Variants in GET1 observed in about 807,000 individuals in gnomAD.
GET1 encodes guided entry of tail-anchored proteins factor 1.
GET1 carries 20 observed loss-of-function variants against 22.6 expected under a neutral mutation model. The ratio of observed to expected loss-of-function variants is 0.89; its 90% CI spans 0.62 to 1.29. The LOEUF is 1.29. GET1 is among the 50% of genes most tolerant of loss of function. GET1 has a pLI of 0.00. For synonymous variants in GET1, 92 were observed against 83.8 expected (o/e 1.10, Z -0.53); for missense variants, 209 against 219.9 (o/e 0.95, Z 0.31).
intron 1 of GET1, among the ~76,000 whole-genome samples, chr21:39,384,186 C>A (rs148827498): frequency 3.0e-3 from 460 of 152,098 alleles, no homozygotes; most frequent in African/African-American, 0.011. Flanking sequence ...CATGTCTAGT[C>A]AAATCTTTTG....
chr21:39,414,060 A>G (rs1447928504), intron 1 of GET1: 1 of 152,228 alleles, frequency 6.6e-6, no homozygotes, highest in African/African-American at 2.4e-5. Flanking sequence ...TTTGGAACAC[A>G]ACCCGGGATA....
At chr21:39,400,189 C>T (rs982311038), downstream of GET1, among the ~76,000 whole-genome samples, 4 of 119,480 alleles carry the variant, frequency 3.3e-5, no homozygotes, top group East Asian at 2.9e-4. Context: ...TGCACGCGCA[C>T]GTGCTGACAG....
chr21:39,396,930 G>C lies in GET1; in HGVS notation c.516G>C (p.Pro172=), dbSNP rs141321319. The change falls in exon 5 of 5, where the codon CCG becomes CCC. Residue 172 remains proline (P), a synonymous_variant. Transcript: ENST00000649170. ...AAGTTGTCGCTATTGTGCTTCATCCGTTCAGCTGAACAGGAGGATGGATAC... is the reference window on the plus strand; with the variant it reads ...AAGTTGTCGCTATTGTGCTTCATCCCTTCAGCTGAACAGGAGGATGGATAC... ...CNKVVAIVLH[P]FS 6 of 1,613,942 alleles carry C rather than the reference G, an allele frequency of 3.7e-6. No individual in the cohort carries two copies. The Admixed American group carries it at 1.0e-4, about 27-fold the overall frequency.
At chr21:39,387,186 A>G (rs1368089271) in intron 1 of GET1, among the ~76,000 whole-genome samples, 1 of 152,154 alleles carries the variant, frequency 6.6e-6, no homozygotes, top group Non-Finnish European at 1.5e-5. Context: ...CATGTAATAG[A>G]TGTAATTATT....
At chr21:39,418,499 TA>T (rs1259275289) in intron 1 of GET1, among the ~76,000 whole-genome samples, 4 of 152,182 alleles carry the variant, frequency 2.6e-5, no homozygotes, top group Admixed American at 6.5e-5. Context: ...ATTTTTATTT[TA>T]TTTTTTTTAA....
At chr21:39,398,134 G>A (rs2050672383), downstream of GET1, among the ~76,000 whole-genome samples, 1 of 152,182 alleles carries the variant, frequency 6.6e-6, no homozygotes, top group African/African-American at 2.4e-5. Context: ...GCCACAGCCT[G>A]GTGGAGGAAC....
At position 39,428,442 on chromosome 21, in the gene GET1, C is replaced by T. The variant is rs1015753631; in HGVS notation, c.*234C>T. On this transcript the variant is annotated 3_prime_UTR_variant, in exon 2 of 2. Coordinates refer to the GET1 transcript ENST00000478273. The stretch of plus-strand genomic sequence containing the variant: ...GACCTCCTATTGTTTTCTAATGCCA[C>T]GCCGAAGAAATGCTCATCTATATTT... The T allele has an allele frequency of 7.4e-6, 12 of 1,611,060 alleles. No individual in the cohort carries two copies. Among genetic ancestry groups the T allele is most frequent in the Middle Eastern group, 1.6e-4 (1 of 6,076 alleles).
At chr21:39,416,831 T>TA (rs2041261316) in intron 1 of GET1, among the ~76,000 whole-genome samples, 1 of 152,196 alleles carries the variant, frequency 6.6e-6, no homozygotes, top group Non-Finnish European at 1.5e-5. Flanking sequence ...GTTATTTGTG[T>TA]CCTTACAGTG....
At chr21:39,383,952 G>T (rs572685727) in intron 1 of GET1, among the ~76,000 whole-genome samples, 99 of 152,066 alleles carry the variant, frequency 6.5e-4, no homozygotes, top group African/African-American at 2.3e-3. Context: ...TGTTGGCGAG[G>T]CTGGTCTCGA....
chr21:39,387,880 G>C, intron 1 of GET1: 1 of 960,230 alleles, frequency 1.0e-6, no homozygotes, highest in Non-Finnish European at 1.2e-6. Flanking sequence ...GGAGGGGGGG[G>C]GATCTGATTT....
intron 4 of GET1, among the ~76,000 whole-genome samples, 153 bp from the exon 5 acceptor site, chr21:39,396,713 C>T (rs2038680014): frequency 6.8e-6 from 1 of 147,848 alleles, no homozygotes; most frequent in South Asian, 2.1e-4. Flanking sequence ...AAGAAAGTGA[C>T]AAATTTGAAC....
chr21:39,409,875 C>T (rs550375272), downstream of GET1: 12 of 664,366 alleles, frequency 1.8e-5, no homozygotes, highest in Non-Finnish European at 2.8e-5. The surrounding 1 kb of genome is among the most constrained non-coding windows in gnomAD (Gnocchi z 4.2). Flanking sequence ...ATTACAGGTG[C>T]GAGCTGCCAT....
At chr21:39,411,408 A>G (rs73365940), downstream of GET1, among the ~76,000 whole-genome samples, 4,796 of 152,262 alleles carry the variant, frequency 0.031, 213 homozygotes, top group African/African-American at 0.097. Context: ...AAAGCCATAC[A>G]CTGGCTAACA....
At chr21:39,411,848 G>A (rs1174130507) in intron 1 of GET1, 2 of 1,071,982 alleles carry the variant, frequency 1.9e-6, no homozygotes, top group South Asian at 1.4e-5. Context: ...GCTTGCTTTT[G>A]TCAACCCTGA....
chr21:39,405,898 C>A, intron 4 of GET1: 1 of 1,580,028 alleles, frequency 6.3e-7, no homozygotes, highest in Non-Finnish European at 8.6e-7. Context: ...AATTATTTTT[C>A]TTTTTCCTTC....
At chr21:39,384,129 T>C (rs1157649510) in intron 1 of GET1, among the ~76,000 whole-genome samples, 1 of 152,052 alleles carries the variant, frequency 6.6e-6, no homozygotes, top group Admixed American at 6.6e-5. Context: ...AATAGTGATG[T>C]TGAGTATCTT....
At chr21:39,426,847 G>C (rs1446996362) in intron 1 of GET1, among the ~76,000 whole-genome samples, 1 of 152,236 alleles carries the variant, frequency 6.6e-6, no homozygotes, top group Non-Finnish European at 1.5e-5. Context: ...GGCCTTGCCA[G>C]TGGAGGTAGG....
chr21:39,409,072 G>A (rs965540062), downstream of GET1, among the ~76,000 whole-genome samples: 11 of 152,292 alleles, frequency 7.2e-5, no homozygotes, highest in Admixed American at 6.5e-4. This position sits in a 1 kb window ranked among gnomAD's most constrained non-coding sequence, Gnocchi z 4.2. Flanking sequence ...GGTCTTTAAG[G>A]AAGTAATTAA....
rs1450844862 is a variant in GET1 at position 39,412,467 on chromosome 21, A to C, written c.*23+1530A>C. ...ATATCAAATGCTCCTTCTTACATGTACACCAGGAGGCAAGAAAGGCTTTGG... is the reference window on the plus strand; with the variant it reads ...ATATCAAATGCTCCTTCTTACATGTCCACCAGGAGGCAAGAAAGGCTTTGG... On this transcript the variant is annotated intron_variant, in intron 1 of 1. Transcript: ENST00000478273. Among the ~76,000 whole-genome samples, 4 of 152,372 alleles carry C rather than the reference A, an allele frequency of 2.6e-5. No individual in the cohort carries two copies. In the East Asian group the frequency reaches 7.7e-4, roughly 29 times the overall value.
Sources: gnomAD v4.1 joint callset for allele counts (sites outside exome capture counted in the v4.1 genomes callset) on GRCh38, gnomAD v4.1.1 for gene constraint, Gnocchi (gnomAD v3.1) non-coding constraint, MANE v1.5 for transcripts, NCBI Gene and HGNC (gene_info 2026-07-23, HGNC 2026-07-21) for gene names.